The following WDHD1 variants were observed in gnomAD, a reference collection of about 807,000 sequenced individuals.
The protein encoded by WDHD1 is WD repeat and HMG-box DNA binding protein 1, also known as WD repeat and HMG-box DNA-binding protein 1.
Under a neutral mutation model 135.4 loss-of-function variants are expected in WDHD1, and 111 were observed. The observed-to-expected ratio is 0.82, with a 90% CI of 0.70 to 0.96. WDHD1 has a LOEUF of 0.96. Ranked by LOEUF, WDHD1 falls within the 40% of genes least tolerant of loss-of-function variation. The probability of loss-of-function intolerance (pLI) is 0.00; values close to 1 mark genes in which losing one functional copy is unlikely to be tolerated. For synonymous variants in WDHD1, 434 were observed against 439.0 expected (o/e 0.99, Z 0.14); for missense variants, 1,351 against 1,336.3 (o/e 1.01, Z -0.17).
intron 18 of WDHD1, among the ~76,000 whole-genome samples, chr14:54,965,363 G>C: frequency 6.6e-6 from 1 of 152,148 alleles, no homozygotes; most frequent in East Asian, 1.9e-4. Flanking sequence ...AAATATTCTA[G>C]ACACCAAACC....
Position 54,982,767 on chromosome 14 carries a change from T to C in WDHD1, c.1907-1071A>G, listed in dbSNP as rs150156276. ...ACACATTTAGAAATGGTTGATATTT[T>C]AAAGACAAAGTGGAGTTTCCAGCAA... On this transcript the variant is annotated intron_variant, in intron 15 of 25. Transcript: ENST00000360586. 1.2e-3 allele frequency among the ~76,000 whole-genome samples: 186 copies of C among 152,348 alleles called. 1 individual carries two copies. The highest frequency in any genetic ancestry group is 0.011 in the East Asian group (57 of 5,190).
chr14:54,948,509 G>A (rs1020377021), intron 24 of WDHD1, among the ~76,000 whole-genome samples: 1 of 152,156 alleles, frequency 6.6e-6, no homozygotes, highest in Non-Finnish European at 1.5e-5. Flanking sequence ...CAGGAAACTC[G>A]AACTGGGTGG....
rs1291808057 is a variant in WDHD1 at position 54,938,957 on chromosome 14, A to G, written c.*2533T>C. On this transcript the variant is annotated 3_prime_UTR_variant, in exon 26 of 26. Coordinates refer to ENST00000360586, the MANE Select transcript of WDHD1 (RefSeq NM_007086.4). The stretch of plus-strand genomic sequence containing the variant: ...TAATTATGGCATTGTAATTATGCAG[A>G]AGAAAATCTTTATTCTTAGGGTACA... The G allele has an allele frequency of 6.6e-6, 1 of 152,142 alleles. No homozygotes were observed. Among genetic ancestry groups the G allele is most frequent in the East Asian group, 1.9e-4 (1 of 5,196 alleles). The allele number at this position is 152,142 out of a possible 1,614,324, so 9.4% of individuals were successfully genotyped here.
intron 2 of WDHD1, among the ~76,000 whole-genome samples, chr14:55,026,120 C>T (rs8012733): frequency 1.3e-5 from 2 of 152,178 alleles, no homozygotes; most frequent in Non-Finnish European, 2.9e-5. Context: ...TCGCTCTATT[C>T]TATCTGTAGT....
chr14:55,002,885 C>A (rs2041999116), intron 7 of WDHD1, among the ~76,000 whole-genome samples: 1 of 152,062 alleles, frequency 6.6e-6, no homozygotes, highest in Non-Finnish European at 1.5e-5. Context: ...AGACACCATG[C>A]CTGACCTTCA....
intron 7 of WDHD1, among the ~76,000 whole-genome samples, chr14:55,006,898 C>CA (rs1252017106): frequency 6.6e-6 from 1 of 151,912 alleles, no homozygotes; most frequent in Admixed American, 6.6e-5. Context: ...TTTTTACACT[C>CA]AAAGTTGAAA....
At chr14:54,953,348 G>A (rs1244396857) in intron 24 of WDHD1, among the ~76,000 whole-genome samples, 4 of 152,182 alleles carry the variant, frequency 2.6e-5, no homozygotes, top group Admixed American at 1.3e-4. Context: ...AGACATTTAT[G>A]CAGCCAACAG....
At position 54,991,368 on chromosome 14, in the gene WDHD1, G is replaced by C. The variant is rs779129674; in HGVS notation, c.1186C>G (p.Leu396Val). Residue 396 changes from leucine to valine, a missense_variant, in exon 12 of 26, where the codon CTC (leucine) becomes GTC (valine). Leu to Val is a conservative substitution (Grantham distance 32). Around this residue, in one of 2 missense-constraint regions of WDHD1, gnomAD observed 1,330 missense variants for 1,296.1 expected, o/e 1.03. Coordinates refer to ENST00000360586, the MANE Select transcript of WDHD1 (RefSeq NM_007086.4). ...TGACCATCTTCCTCCTCCTCTTTGA[G>C]AAGACTAGAACCAGTTTTTAGCATT... ...ISMLKTGSSL[L>V]KEEEEDGQEG... 2.5e-6 allele frequency: 4 copies of C among 1,614,000 alleles called. No individual in the cohort carries two copies. The East Asian group carries it at 6.7e-5, about 27-fold the overall frequency.
chr14:54,986,598 C>T lies in WDHD1; in HGVS notation c.1768+548G>A, dbSNP rs192364663. Among the ~76,000 whole-genome samples, 1,378 of 151,856 alleles carry T rather than the reference C, an allele frequency of 9.1e-3. 15 individuals are homozygous for T. The highest frequency in any genetic ancestry group is 0.031 in the African/African-American group (1,285 of 41,432). Reference sequence around the variant, plus strand: ...CACTCCAGCTAAAAGATAGAGCCAACAAAAAAGTAAAAAGGGAGCTGCCAG... The same window carrying T: ...CACTCCAGCTAAAAGATAGAGCCAATAAAAAAGTAAAAAGGGAGCTGCCAG... On this transcript the variant is annotated intron_variant, in intron 14 of 25. Transcript: ENST00000360586.
chr14:54,961,663 T>C (rs1001791000), intron 21 of WDHD1, among the ~76,000 whole-genome samples: 1 of 152,288 alleles, frequency 6.6e-6, no homozygotes, highest in African/African-American at 2.4e-5. Context: ...GCTCTTTTCA[T>C]ATTCTACATG....
intron 24 of WDHD1, among the ~76,000 whole-genome samples, chr14:54,954,395 T>C (rs2041116544): frequency 6.6e-6 from 1 of 152,260 alleles, no homozygotes. Flanking sequence ...AATACTCATA[T>C]TGCTAAAGGT....
At chr14:54,955,470 T>G (rs757361817) in intron 24 of WDHD1, 91 bp downstream of exon 24, 40 of 1,289,048 alleles carry the variant, frequency 3.1e-5, no homozygotes, top group African/African-American at 6.1e-5. Flanking sequence ...ATTATTTGTA[T>G]TAAGGAATAA....
chr14:54,995,971 T>C (rs1237379160), intron 10 of WDHD1, among the ~76,000 whole-genome samples, 158 bp from the exon 11 acceptor site: 1 of 152,244 alleles, frequency 6.6e-6, no homozygotes, highest in African/African-American at 2.4e-5. Flanking sequence ...ATGAGAATTG[T>C]ATTTATATTT....
chr14:54,961,544 GCTGA>G (rs995280217), intron 21 of WDHD1, among the ~76,000 whole-genome samples: 6 of 151,978 alleles, frequency 3.9e-5, no homozygotes, highest in Admixed American at 1.3e-4. Flanking sequence ...CCTTTGCCTT[GCTGA>G]CTGTTATTCA....
intron 11 of WDHD1, among the ~76,000 whole-genome samples, chr14:54,993,161 T>C (rs1274838758): frequency 2.0e-5 from 3 of 152,190 alleles, no homozygotes; most frequent in African/African-American, 7.2e-5. Flanking sequence ...TCTGTTACCC[T>C]GCCTGGAGCC....
At chr14:55,016,976 T>C (rs2042271056) in intron 2 of WDHD1, among the ~76,000 whole-genome samples, 3 of 152,210 alleles carry the variant, frequency 2.0e-5, no homozygotes, top group African/African-American at 4.8e-5. Flanking sequence ...AAAAGTATTA[T>C]ATCAATGTCA....
intron 2 of WDHD1, among the ~76,000 whole-genome samples, chr14:55,024,878 G>C (rs2042407416): frequency 9.5e-6 from 1 of 104,920 alleles, no homozygotes; most frequent in African/African-American, 2.9e-5. Context: ...AGGAAAGCCA[G>C]GTATTGTCCA....
At chr14:55,004,136 C>T (rs2042024712) in intron 7 of WDHD1, among the ~76,000 whole-genome samples, 1 of 151,958 alleles carries the variant, frequency 6.6e-6, no homozygotes, top group Non-Finnish European at 1.5e-5. Flanking sequence ...TAGTAAATAC[C>T]TATATATAGA....
In WDHD1 at chr14:54,981,706, A is replaced by G; in HGVS notation, c.1907-10T>C. 6.3e-7 allele frequency: 1 copy of G among 1,588,216 alleles called. No homozygotes were observed. The highest frequency in any genetic ancestry group is 1.1e-5 in the South Asian group (1 of 89,906). On this transcript the variant is annotated splice_polypyrimidine_tract_variant and intron_variant, in intron 15 of 25. Coordinates refer to ENST00000360586, the MANE Select transcript of WDHD1 (RefSeq NM_007086.4). The stretch of plus-strand genomic sequence containing the variant: ...ACGTAACAAGGGGTACCTAAACACC[A>G]ACAGAAAAATCACTTGGAGACATAG...
Sources: allele counts gnomAD v4.1 joint callset (sites outside exome capture counted in the v4.1 genomes callset), GRCh38; gene constraint gnomAD v4.1.1; regional missense constraint gnomAD v4.1.1; transcripts MANE v1.5; gene names NCBI Gene and HGNC (gene_info 2026-07-23, HGNC 2026-07-21).